PRKAG2: variants seen among roughly 807,000 people sequenced by gnomAD.
PRKAG2 encodes the protein protein kinase AMP-activated non-catalytic subunit gamma 2.
A neutral mutation model predicts 69.6 loss-of-function variants in PRKAG2; 26 were observed. The observed-to-expected ratio is 0.37, with a 90% CI of 0.27 to 0.52. PRKAG2 has a LOEUF of 0.52. PRKAG2 is among the 20% of genes least tolerant of loss of function. PRKAG2 has a pLI of 0.90. For synonymous variants in PRKAG2, 293 were observed against 285.0 expected (o/e 1.03, Z -0.28); for missense variants, 557 against 740.0 (o/e 0.75, Z 2.87).
rs186639230 is a variant in PRKAG2 at position 151,561,397 on chromosome 7, C to T, written c.1585-780G>A. Among the ~76,000 whole-genome samples the T allele has an allele frequency of 3.5e-4, 54 of 152,230 alleles. No homozygotes were observed. In the East Asian group the frequency reaches 4.1e-3, roughly 11 times the overall value. On this transcript the variant is annotated intron_variant, in intron 14 of 15. Coordinates refer to ENST00000287878, the MANE Select transcript of PRKAG2 (RefSeq NM_016203.4). ...AGAGAAGTCCAGATGATGACAGAAA[C>T]GAAGAAACAAGGTCGCAGCTCTTAC...
At chr7:151,656,975 A>G (rs547776111) in intron 4 of PRKAG2, among the ~76,000 whole-genome samples, 2 of 152,202 alleles carry the variant, frequency 1.3e-5, no homozygotes, top group East Asian at 1.9e-4. Context: ...CATCTCTACT[A>G]AAAATACAAA....
At chr7:151,575,575 C>T (rs1584997831) in intron 7 of PRKAG2, among the ~76,000 whole-genome samples, 1 of 152,324 alleles carries the variant, frequency 6.6e-6, no homozygotes, top group East Asian at 1.9e-4. Context: ...CTGTAAGTTA[C>T]ACAACAGTTT....
At position 151,788,565 on chromosome 7, in the gene PRKAG2, C is replaced by A. The variant is rs143788085; in HGVS notation, c.115-2024G>T. Among the ~76,000 whole-genome samples, 809 of 152,278 alleles carry A rather than the reference C, an allele frequency of 5.3e-3. 5 individuals are homozygous for A. The highest frequency in any genetic ancestry group is 0.018 in the African/African-American group (736 of 41,552). On this transcript the variant is annotated intron_variant, in intron 1 of 15. Transcript: ENST00000287878. The surrounding 1 kb of genome is among the most constrained non-coding windows in gnomAD (Gnocchi z 4.6). ...ATTGTTTATATATTCTGGTTATTAACCCCTTATCAGATACATGACTTGCAA... is the reference window on the plus strand; with the variant it reads ...ATTGTTTATATATTCTGGTTATTAAACCCTTATCAGATACATGACTTGCAA...
intron 1 of PRKAG2, among the ~76,000 whole-genome samples, chr7:151,840,649 C>T (rs2151885314): frequency 6.6e-6 from 1 of 152,336 alleles, no homozygotes; most frequent in Admixed American, 6.5e-5. Context: ...GGGAGGTCCT[C>T]CCAAGATGGA....
chr7:151,767,382 C>T (rs56247557), intron 3 of PRKAG2, among the ~76,000 whole-genome samples: 1 of 152,300 alleles, frequency 6.6e-6, no homozygotes, highest in Non-Finnish European at 1.5e-5. Flanking sequence ...TCTCTGCCTC[C>T]CGGGTTCAAG....
At chr7:151,848,195 C>T (rs1406166713) in intron 1 of PRKAG2, among the ~76,000 whole-genome samples, 1 of 152,182 alleles carries the variant, frequency 6.6e-6, no homozygotes, top group African/African-American at 2.4e-5. Flanking sequence ...CTTAATCCCT[C>T]ATGCAACAAT....
At chr7:151,764,299 C>T (rs951634285) in intron 3 of PRKAG2, among the ~76,000 whole-genome samples, 4 of 152,210 alleles carry the variant, frequency 2.6e-5, no homozygotes, top group South Asian at 2.1e-4. Flanking sequence ...AAAGCCAGAG[C>T]GCAGCCCAGC....
At chr7:151,647,702 G>T (rs1429803122) in intron 4 of PRKAG2, among the ~76,000 whole-genome samples, 1 of 152,182 alleles carries the variant, frequency 6.6e-6, no homozygotes, top group East Asian at 1.9e-4. Context: ...GGAGACCACT[G>T]GGAGTGAAAG....
Position 151,614,858 on chromosome 7 carries a change from A to T in PRKAG2, c.754+17211T>A, listed in dbSNP as rs1195914290. ...CTGGGCTCTCAGCCCCAGTCTCCTC[A>T]CCTTTACACTGGAACAAAAGAGCCT... On this transcript the variant is annotated intron_variant, in intron 5 of 15. Coordinates refer to ENST00000287878, the MANE Select transcript of PRKAG2 (RefSeq NM_016203.4). The surrounding 1 kb of genome is among the most constrained non-coding windows in gnomAD (Gnocchi z 4.4). Among the ~76,000 whole-genome samples the T allele has an allele frequency of 6.6e-6, 1 of 151,970 alleles. No individual in the cohort carries two copies. The highest frequency in any genetic ancestry group is 1.5e-5 in the Non-Finnish European group (1 of 67,984).
chr7:151,767,937 T>G (rs1456989803), intron 3 of PRKAG2, among the ~76,000 whole-genome samples: 1 of 152,186 alleles, frequency 6.6e-6, no homozygotes, highest in Non-Finnish European at 1.5e-5. Context: ...TCAGCCATTT[T>G]CCTCTAGAAG....
intron 3 of PRKAG2, among the ~76,000 whole-genome samples, chr7:151,760,096 G>A (rs1308859240): frequency 6.6e-6 from 1 of 152,166 alleles, no homozygotes; most frequent in Non-Finnish European, 1.5e-5. Flanking sequence ...AAAAAAGGAA[G>A]CTGAGATGGG....
chr7:151,827,495 T>A (rs2151870939), intron 1 of PRKAG2, among the ~76,000 whole-genome samples: 1 of 152,166 alleles, frequency 6.6e-6, no homozygotes, highest in Admixed American at 6.5e-5. Context: ...CACCTTGGCC[T>A]CCCAAAGTGC....
chr7:151,709,468 AGTGAT>A (rs1839187674), intron 3 of PRKAG2, among the ~76,000 whole-genome samples: 2 of 152,342 alleles, frequency 1.3e-5, no homozygotes, highest in East Asian at 3.9e-4. Context: ...GATGACATTG[AGTGAT>A]GTGACATTCT....
intron 5 of PRKAG2, among the ~76,000 whole-genome samples, chr7:151,617,121 C>T (rs185686839): frequency 0.012 from 1,876 of 151,876 alleles, 28 homozygotes; most frequent in African/African-American, 0.043. Flanking sequence ...ATTAGCCGGG[C>T]TTGGTGGTGG....
intron 1 of PRKAG2, among the ~76,000 whole-genome samples, chr7:151,871,240 T>C (rs566690501): frequency 1.6e-4 from 24 of 152,348 alleles, no homozygotes; most frequent in Middle Eastern, 3.4e-3. Context: ...TACCAAAGTC[T>C]CGGCAGAACA....
At chr7:151,634,840 T>TA (rs1432890145) in intron 4 of PRKAG2, among the ~76,000 whole-genome samples, 1 of 151,418 alleles carries the variant, frequency 6.6e-6, no homozygotes, top group Non-Finnish European at 1.5e-5. Flanking sequence ...TTAAAATGGC[T>TA]AAAATCACAA....
intron 1 of PRKAG2, among the ~76,000 whole-genome samples, chr7:151,831,283 C>A (rs1332175081): frequency 6.6e-6 from 1 of 152,084 alleles, no homozygotes; most frequent in South Asian, 2.1e-4. Context: ...GAAATTTGTA[C>A]ACAAATGTTT....
chr7:151,688,486 C>G (rs1835115716), intron 3 of PRKAG2, among the ~76,000 whole-genome samples: 1 of 152,116 alleles, frequency 6.6e-6, no homozygotes, highest in African/African-American at 2.4e-5. Context: ...TGGGGAGGGT[C>G]CAGTGGCTGC....
chr7:151,839,831 C>T (rs1165549410), intron 1 of PRKAG2, among the ~76,000 whole-genome samples: 2 of 152,138 alleles, frequency 1.3e-5, no homozygotes, highest in Non-Finnish European at 2.9e-5. Flanking sequence ...AGCAGGGGCC[C>T]GCCTTCCCCA....
Sources: gnomAD v4.1 joint callset for allele counts (sites outside exome capture counted in the v4.1 genomes callset) on GRCh38, gnomAD v4.1.1 for gene constraint, Gnocchi (gnomAD v3.1) non-coding constraint, MANE v1.5 for transcripts, NCBI Gene and HGNC (gene_info 2026-07-23, HGNC 2026-07-21) for gene names.